ADAM18: variants seen among roughly 807,000 people sequenced by gnomAD.
ADAM18 encodes the protein ADAM metallopeptidase domain 18.
A neutral mutation model predicts 94.4 loss-of-function variants in ADAM18; 117 were observed. The observed-to-expected ratio is 1.24, with a 90% CI of 1.07 to 1.45. The LOEUF (loss-of-function observed/expected upper bound fraction) is 1.45, where lower values mean the gene tolerates loss of function less well. Ranked by LOEUF, ADAM18 falls within the 40% of genes most tolerant of loss-of-function variation. ADAM18 has a pLI of 0.00. For synonymous variants in ADAM18, 327 were observed against 291.6 expected (o/e 1.12, Z -1.24); for missense variants, 936 against 880.0 (o/e 1.06, Z -0.81).
At chr8:39,719,041 A>G (rs946681705) in intron 18 of ADAM18, among the ~76,000 whole-genome samples, 2 of 150,084 alleles carry the variant, frequency 1.3e-5, no homozygotes, top group East Asian at 3.9e-4. Flanking sequence ...AGTTAAAATG[A>G]CTTTGAAAAA....
At chr8:39,729,825 G>T (rs571272531) in intron 19 of ADAM18, 73 bp from the exon 20 acceptor site, 46 of 1,227,856 alleles carry the variant, frequency 3.7e-5, no homozygotes, top group Non-Finnish European at 5.1e-5. Flanking sequence ...TAGTAAATAT[G>T]GTTTAAAATA....
In ADAM18 at chr8:39,680,879, A is replaced by T. The variant is rs563430907; in HGVS notation, c.1821+653A>T. Among the ~76,000 whole-genome samples the T allele has an allele frequency of 7.9e-5, 12 of 152,308 alleles. No individual in the cohort carries two copies. The East Asian group carries it at 1.9e-3, about 24-fold the overall frequency. On this transcript the variant is annotated intron_variant, in intron 16 of 19. Coordinates refer to ENST00000265707, the MANE Select transcript of ADAM18 (RefSeq NM_014237.3). ...TTAAATGTCATTTGGTGCTTATTTGATGCGTAAAAATAAAACAAAACCTAG... is the reference window on the plus strand; with the variant it reads ...TTAAATGTCATTTGGTGCTTATTTGTTGCGTAAAAATAAAACAAAACCTAG...
intron 1 of ADAM18, 137 bp downstream of exon 1, chr8:39,584,814 G>C: frequency 9.5e-7 from 1 of 1,054,380 alleles, no homozygotes; most frequent in Non-Finnish European, 1.4e-6. Flanking sequence ...TGGTGTGTCA[G>C]GGACACCTTT....
At chr8:39,717,003 G>A (rs912814525) in intron 18 of ADAM18, among the ~76,000 whole-genome samples, 8 of 151,774 alleles carry the variant, frequency 5.3e-5, no homozygotes, top group African/African-American at 1.9e-4. Flanking sequence ...GACCACTTAT[G>A]CTCCATTTTG....
At chr8:39,608,349 A>G (rs1819155858) in intron 3 of ADAM18, among the ~76,000 whole-genome samples, 1 of 151,674 alleles carries the variant, frequency 6.6e-6, no homozygotes, top group East Asian at 2.0e-4. Flanking sequence ...TTATTAAAAC[A>G]TTGGTCTGAT....
In ADAM18 at chr8:39,637,277, G is replaced by T. The variant is rs764161857; in HGVS notation, c.602G>T (p.Gly201Val). ...TTTCTTTTTCAGTATGATTATATGG[G>T]ATCTGAAATGATGGCTGTAACACAA... is the stretch of plus-strand genomic sequence containing the variant. ...IVEKALYDYM[G>V]SEMMAVTQKI... is the part of the protein sequence containing the mutation. The change falls in exon 8 of 20, where the codon GGA becomes GTA. Residue 201 changes from glycine to valine, a missense_variant. Physicochemically the swap from Gly to Val is moderately radical, Grantham distance 109 (BLOSUM62 -3). Coordinates refer to ENST00000265707, the MANE Select transcript of ADAM18 (RefSeq NM_014237.3). 3 of 1,603,942 alleles carry T rather than the reference G, an allele frequency of 1.9e-6. No individual in the cohort carries two copies. The highest frequency in any genetic ancestry group is 1.1e-5 in the South Asian group (1 of 89,266).
In ADAM18 at chr8:39,588,352, C is replaced by T. The variant is rs115364526; in HGVS notation, c.132+3000C>T. Among the ~76,000 whole-genome samples, 888 of 151,884 alleles carry T rather than the reference C, an allele frequency of 5.8e-3. 6 individuals carry two copies. Among genetic ancestry groups the T allele is most frequent in the African/African-American group, 0.02 (842 of 41,422 alleles). On this transcript the variant is annotated intron_variant, in intron 2 of 19. Transcript: ENST00000265707. The stretch of plus-strand genomic sequence containing the variant: ...AGTACTATTTCTTATACCTGATGGT[C>T]ATTTGTATGTTTTCTTTGGACAGAA...
At chr8:39,704,480 G>A (rs1197082155) in intron 17 of ADAM18, among the ~76,000 whole-genome samples, 2 of 152,094 alleles carry the variant, frequency 1.3e-5, no homozygotes, top group East Asian at 3.9e-4. Context: ...AAAAGATGCA[G>A]AAAAGGCTTT....
intron 6 of ADAM18, 47 bp downstream of exon 6, chr8:39,610,753 T>C (rs1360496503): frequency 6.5e-7 from 1 of 1,544,602 alleles, no homozygotes. Flanking sequence ...ACATTGCCTG[T>C]GTAGTTTTCT....
chr8:39,642,640 C>A (rs1328353578), intron 10 of ADAM18, among the ~76,000 whole-genome samples: 1 of 151,970 alleles, frequency 6.6e-6, no homozygotes, highest in Non-Finnish European at 1.5e-5. Context: ...CAGTACCATG[C>A]TGTTTTGGTT....
At chr8:39,660,832 T>C (rs1820814537) in intron 12 of ADAM18, among the ~76,000 whole-genome samples, 1 of 152,222 alleles carries the variant, frequency 6.6e-6, no homozygotes, top group African/African-American at 2.4e-5. Flanking sequence ...ATTTATAATC[T>C]GTGCAATATT....
At chr8:39,633,254 C>A (rs1819982186) in intron 7 of ADAM18, among the ~76,000 whole-genome samples, 1 of 152,110 alleles carries the variant, frequency 6.6e-6, no homozygotes. Context: ...GTGGGTGTTG[C>A]CATTGCAAAT....
At chr8:39,695,112 T>C (rs2129580933) in intron 17 of ADAM18, among the ~76,000 whole-genome samples, 1 of 151,294 alleles carries the variant, frequency 6.6e-6, no homozygotes, top group Middle Eastern at 3.4e-3. Context: ...TACCACAGTG[T>C]GTTTGATCAT....
chr8:39,703,150 C>A (rs766063346), intron 17 of ADAM18, among the ~76,000 whole-genome samples: 33 of 152,110 alleles, frequency 2.2e-4, no homozygotes, highest in Non-Finnish European at 4.1e-4. Flanking sequence ...GTGTCATCTG[C>A]GATTTCTTTG....
intron 18 of ADAM18, among the ~76,000 whole-genome samples, chr8:39,713,823 C>T (rs551830766): frequency 1.6e-4 from 24 of 152,182 alleles, no homozygotes; most frequent in South Asian, 4.1e-4. Context: ...AGAAATAGAA[C>T]GCTTTTACAC....
chr8:39,688,786 C>T (rs764573848), intron 16 of ADAM18, among the ~76,000 whole-genome samples: 3 of 152,146 alleles, frequency 2.0e-5, no homozygotes, highest in Non-Finnish European at 1.5e-5. Flanking sequence ...GGAATCACCA[C>T]GTTGTCTTCC....
intron 14 of ADAM18, among the ~76,000 whole-genome samples, chr8:39,671,744 C>T (rs1302019494): frequency 4.6e-5 from 7 of 152,150 alleles, no homozygotes; most frequent in African/African-American, 1.4e-4. Context: ...AGTATCTTCT[C>T]GCTATCCTTC....
intron 16 of ADAM18, among the ~76,000 whole-genome samples, chr8:39,682,838 T>C (rs1377255265): frequency 2.0e-5 from 3 of 152,194 alleles, no homozygotes; most frequent in Non-Finnish European, 2.9e-5. Flanking sequence ...TTTGAACTGA[T>C]GCTATAATGA....
intron 18 of ADAM18, among the ~76,000 whole-genome samples, chr8:39,708,469 A>T (rs937607822): frequency 6.6e-6 from 1 of 152,226 alleles, no homozygotes; most frequent in African/African-American, 2.4e-5. Flanking sequence ...ATTCTCAATG[A>T]ACTCTGGAAA....
Sources: allele counts gnomAD v4.1 joint callset (sites outside exome capture counted in the v4.1 genomes callset), GRCh38; gene constraint gnomAD v4.1.1; transcripts MANE v1.5; gene names NCBI Gene and HGNC (gene_info 2026-07-23, HGNC 2026-07-21).